The following SPATA6L variants were observed in gnomAD, a reference collection of about 807,000 sequenced individuals.
The protein encoded by SPATA6L is spermatogenesis associated 6 like.
In SPATA6L, 68 loss-of-function variants were observed where a neutral mutation model predicts 49.2. The observed-to-expected ratio is 1.38, with a 90% CI of 1.14 to 1.69. The LOEUF (loss-of-function observed/expected upper bound fraction) is 1.69, where lower values mean the gene tolerates loss of function less well. Ranked by LOEUF, SPATA6L falls within the 40% of genes most tolerant of loss-of-function variation. SPATA6L has a pLI of 0.00. For missense variants in SPATA6L, 668 were observed against 464.3 expected (o/e 1.44, Z -4.03); for synonymous variants, 198 against 165.7 (o/e 1.19, Z -1.50).
intron 2 of SPATA6L, 105 bp from the exon 3 acceptor site, chr9:4,656,194 T>A (rs7862359): frequency 0.028 from 25,641 of 904,016 alleles, 1,395 homozygotes; most frequent in African/African-American, 0.19. Flanking sequence ...ATCCTAGCAC[T>A]TTGGGAGGCC....
chr9:4,600,862 C>G (rs1225478329), intron 11 of SPATA6L, 53 bp from the exon 12 acceptor site: 1 of 152,190 alleles, frequency 6.6e-6, no homozygotes, highest in Non-Finnish European at 1.5e-5. Context: ...AAAAGGCAAA[C>G]AATCAATACA....
intron 7 of SPATA6L, among the ~76,000 whole-genome samples, chr9:4,619,311 CA>C (rs1828744129): frequency 6.6e-6 from 1 of 151,912 alleles, no homozygotes; most frequent in Non-Finnish European, 1.5e-5. Context: ...TGCCCGCCAC[CA>C]TGCCCGGCCA....
chr9:4,630,386 G>T (rs955187906), intron 4 of SPATA6L, among the ~76,000 whole-genome samples: 1 of 152,038 alleles, frequency 6.6e-6, no homozygotes, highest in Non-Finnish European at 1.5e-5. Flanking sequence ...TTTATAAATG[G>T]CACCACAGGG....
At chr9:4,629,285 C>A in intron 4 of SPATA6L, 117 bp from the exon 5 acceptor site, 1 of 625,058 alleles carries the variant, frequency 1.6e-6, no homozygotes, top group South Asian at 2.1e-5. Context: ...ATAATCCACA[C>A]ACATTATCTA....
intron 7 of SPATA6L, among the ~76,000 whole-genome samples, chr9:4,619,725 G>A (rs1164046510): frequency 6.6e-6 from 1 of 152,086 alleles, no homozygotes; most frequent in Admixed American, 6.5e-5. Flanking sequence ...CAACAAATAT[G>A]TAAAAGCTTG....
At position 4,599,698 on chromosome 9, in the gene SPATA6L, G is replaced by A. The variant is rs1013993562; in HGVS notation, c.*1113C>T. 2.0e-5 allele frequency among the ~76,000 whole-genome samples: 3 copies of A among 152,146 alleles called. No individual in the cohort carries two copies. The South Asian group carries it at 6.2e-4, about 32-fold the overall frequency. On this transcript the variant is annotated 3_prime_UTR_variant, in exon 12 of 12. Coordinates refer to ENST00000682582, the MANE Select transcript of SPATA6L (RefSeq NM_001353486.2). ...CTCCTCGCCAGTGGAAGGGGCAAAC[G>A]AGCTCCCTTGAGCCTATTTATAGGG...
At chr9:4,629,773 A>ATATATT (rs1831147375) in intron 4 of SPATA6L, among the ~76,000 whole-genome samples, 1 of 115,406 alleles carries the variant, frequency 8.7e-6, no homozygotes, top group African/African-American at 3.7e-5. Flanking sequence ...GTGTGTGTAT[A>ATATATT]TATATATATA....
At chr9:4,646,357 AAC>A in intron 3 of SPATA6L, 1 of 492,120 alleles carries the variant, frequency 2.0e-6, no homozygotes, top group Non-Finnish European at 3.4e-6. Context: ...GTGTTATATA[AAC>A]TTACAGACAC....
chr9:4,618,892 G>C lies in SPATA6L; in HGVS notation c.779C>G (p.Ser260Cys). 6.2e-7 allele frequency: 1 copy of C among 1,613,178 alleles called. No individual in the cohort carries two copies. Among genetic ancestry groups the C allele is most frequent in the African/African-American group, 1.3e-5 (1 of 75,006 alleles). The change falls in exon 8 of 12, where the codon TCT (serine) becomes TGT (cysteine). Residue 260 changes from serine (S) to cysteine (C), a missense_variant. Coordinates refer to ENST00000682582, the MANE Select transcript of SPATA6L (RefSeq NM_001353486.2). The stretch of plus-strand genomic sequence containing the variant: ...TACGTTAGCTGCAAGGCTGTCAAGA[G>C]AAGAAGCTAGAAGAAAGAGGAACAG... ...DFPFPTRRAS[S>C]LDSLAANVKV...
chr9:4,623,152 T>C (rs1026153717), intron 6 of SPATA6L, among the ~76,000 whole-genome samples: 1 of 152,090 alleles, frequency 6.6e-6, no homozygotes, highest in Admixed American at 6.5e-5. Flanking sequence ...TGGTGGCGCA[T>C]GCCTGTAATC....
intron 1 of SPATA6L, chr9:4,665,354 T>A (rs553965621): frequency 1.3e-5 from 2 of 152,840 alleles, no homozygotes; most frequent in South Asian, 2.1e-4. Flanking sequence ...CCTGCACAAT[T>A]TTTAGAGCTT....
intron 9 of SPATA6L, among the ~76,000 whole-genome samples, chr9:4,616,221 A>T (rs1827959995): frequency 6.6e-6 from 1 of 152,088 alleles, no homozygotes; most frequent in African/African-American, 2.4e-5. Context: ...AGGCTGCAGT[A>T]AGCTGTGATT....
downstream of SPATA6L, among the ~76,000 whole-genome samples, chr9:4,598,266 A>G (rs144329587): frequency 6.6e-6 from 1 of 152,332 alleles, no homozygotes; most frequent in East Asian, 1.9e-4. Flanking sequence ...CAGATCTGCA[A>G]CCATAAAAAT....
At chr9:4,606,071 G>A (rs1317269078) in intron 9 of SPATA6L, among the ~76,000 whole-genome samples, 1 of 152,096 alleles carries the variant, frequency 6.6e-6, no homozygotes, top group Non-Finnish European at 1.5e-5. Context: ...GGAAAATCGG[G>A]TCACTCCCAC....
chr9:4,610,144 A>T (rs988668321), intron 9 of SPATA6L, among the ~76,000 whole-genome samples: 3 of 152,200 alleles, frequency 2.0e-5, no homozygotes, highest in African/African-American at 7.2e-5. Context: ...ATGAAATAAA[A>T]GAGGATACAA....
chr9:4,607,485 A>C (rs1397046053), intron 9 of SPATA6L, among the ~76,000 whole-genome samples: 2 of 152,244 alleles, frequency 1.3e-5, no homozygotes, highest in East Asian at 1.9e-4. Context: ...GTGGGGGCCA[A>C]TATTCCACAT....
In SPATA6L at chr9:4,629,769, G is replaced by GTGTATA. The variant is rs1311805859; in HGVS notation, c.352-602_352-601insTATACA. On this transcript the variant is annotated intron_variant, in intron 4 of 11. Transcript: ENST00000682582. Reference sequence around the variant, plus strand: ...GTGTTTTATATATGTGTGTGTGTGTGTATATATATATATATATATATATAT... The same window carrying GTGTATA: ...GTGTTTTATATATGTGTGTGTGTGTGTGTATATATATATATATATATATATATATAT... Among the ~76,000 whole-genome samples, 186 of 101,910 alleles carry GTGTATA rather than the reference G, an allele frequency of 1.8e-3. 1 individual carries two copies. Among genetic ancestry groups the GTGTATA allele is most frequent in the African/African-American group, 7.7e-3 (156 of 20,146 alleles). 66.9% of individuals were successfully genotyped at this position (101,910 alleles called of 152,430 possible). A position where few individuals can be genotyped will look rare whatever the true frequency, so the allele number is the denominator to read the frequency against.
rs913795437 is a variant in SPATA6L, at chr9:4,599,635, G to T, written c.*1176C>A. 6.6e-6 allele frequency among the ~76,000 whole-genome samples: 1 copy of T among 152,196 alleles called. No homozygotes were observed. Among genetic ancestry groups the T allele is most frequent in the African/African-American group, 2.4e-5 (1 of 41,440 alleles). ...TTGGCAGATGCAGAATCTGGTGAGGGCCCTCTTCCTGGGTCAGAGATGGCG... is the reference window on the plus strand; with the variant it reads ...TTGGCAGATGCAGAATCTGGTGAGGTCCCTCTTCCTGGGTCAGAGATGGCG... On this transcript the variant is annotated 3_prime_UTR_variant, in exon 12 of 12. Coordinates refer to ENST00000682582, the MANE Select transcript of SPATA6L (RefSeq NM_001353486.2).
chr9:4,605,255 T>C (rs1824457612), intron 10 of SPATA6L, 92 bp downstream of exon 10: 1 of 954,048 alleles, frequency 1.0e-6, no homozygotes. Flanking sequence ...TCTGTGGTTA[T>C]TTGATTAATG....
Sources: gnomAD v4.1 joint callset for allele counts (sites outside exome capture counted in the v4.1 genomes callset) on GRCh38, gnomAD v4.1.1 for gene constraint, MANE v1.5 for transcripts, NCBI Gene and HGNC (gene_info 2026-07-23, HGNC 2026-07-21) for gene names.